The following C12orf42 variants were observed in gnomAD, a reference collection of about 807,000 sequenced individuals.
The protein encoded by C12orf42 is chromosome 12 open reading frame 42.
In C12orf42, 25 loss-of-function variants were observed where a neutral mutation model predicts 21.6. The ratio of observed to expected loss-of-function variants is 1.16; its 90% confidence interval spans 0.84 to 1.62. The LOEUF is 1.62. Ranked by LOEUF, C12orf42 falls within the 40% of genes most tolerant of loss-of-function variation. C12orf42 has a pLI of 0.00. For synonymous variants in C12orf42, 174 were observed against 175.0 expected (o/e 0.99, Z 0.05); for missense variants, 483 against 459.3 (o/e 1.05, Z -0.47).
At chr12:103,124,155 C>CTTTTTTTTTTT in the C12orf42 span, among the ~76,000 whole-genome samples, 3 of 75,988 alleles carry the variant, frequency 3.9e-5, 1 homozygote, top group African/African-American at 1.5e-4. Flanking sequence ...CAAACATAAG[C>CTTTTTTTTTTT]TTTTTTTTTT....
At chr12:103,480,999 T>C (rs1954429732) in intron 1 of C12orf42, among the ~76,000 whole-genome samples, 1 of 151,732 alleles carries the variant, frequency 6.6e-6, no homozygotes, top group South Asian at 2.1e-4. Flanking sequence ...CACTAATGTA[T>C]TGGGTCTTTC....
the C12orf42 span, among the ~76,000 whole-genome samples, chr12:103,553,362 T>C: frequency 1.3e-5 from 2 of 152,150 alleles, no homozygotes; most frequent in African/African-American, 4.8e-5. Context: ...CTCACTTAGT[T>C]ATCCGTCCTC....
At position 103,283,960 on chromosome 12, in the gene C12orf42, G is replaced by A. The variant is rs1195464620; in HGVS notation, n.338-6750C>T. 3.9e-5 allele frequency among the ~76,000 whole-genome samples: 6 copies of A among 152,138 alleles called. No individual in the cohort carries two copies. In the East Asian group the frequency reaches 5.8e-4, roughly 15 times the overall value. ...GTTCAAAGACCACTTTAATTATCAC[G>A]AGAGGAAAAAATAGCATGAAAGCAC... On this transcript the variant is annotated intron_variant and non_coding_transcript_variant, in intron 4 of 6. Coordinates refer to the C12orf42 transcript ENST00000546526.
intron 10 of C12orf42, among the ~76,000 whole-genome samples, chr12:103,257,522 A>G (rs1020353957): frequency 3.3e-5 from 5 of 152,154 alleles, no homozygotes; most frequent in Non-Finnish European, 4.4e-5. Context: ...AGCAATAAAA[A>G]TCAGAATTTT....
the C12orf42 span, among the ~76,000 whole-genome samples, chr12:103,050,229 T>C: frequency 2.0e-5 from 3 of 151,750 alleles, no homozygotes; most frequent in Middle Eastern, 3.4e-3. Flanking sequence ...GGTGTGTGTG[T>C]GTGTGTGTGT....
upstream of C12orf42, among the ~76,000 whole-genome samples, chr12:103,497,800 G>A (rs969051980): frequency 2.0e-5 from 3 of 152,152 alleles, no homozygotes; most frequent in Non-Finnish European, 4.4e-5. Flanking sequence ...GGGAGGCCGA[G>A]GCAGGCGGAT....
chr12:103,092,864 T>C, the C12orf42 span, among the ~76,000 whole-genome samples: 1 of 152,242 alleles, frequency 6.6e-6, no homozygotes, highest in Non-Finnish European at 1.5e-5. Context: ...TTTGCCGCTC[T>C]GTCCAGAAAC....
chr12:103,380,885 C>G (rs1365151161), intron 3 of C12orf42, among the ~76,000 whole-genome samples: 3 of 152,104 alleles, frequency 2.0e-5, no homozygotes, highest in Non-Finnish European at 4.4e-5. Context: ...AAATGAGTGA[C>G]AGAGTGGTTA....
chr12:103,332,963 C>T (rs1486664622), intron 4 of C12orf42, among the ~76,000 whole-genome samples: 1 of 151,986 alleles, frequency 6.6e-6, no homozygotes, highest in African/African-American at 2.4e-5. Flanking sequence ...ACACATAAGT[C>T]GAAGGCTTAG....
chr12:103,338,661 T>C (rs2041926396), intron 4 of C12orf42, among the ~76,000 whole-genome samples: 1 of 152,228 alleles, frequency 6.6e-6, no homozygotes, highest in African/African-American at 2.4e-5. Flanking sequence ...TCGCCCTTTT[T>C]TTTAGAGCAT....
At position 103,424,943 on chromosome 12, in the gene C12orf42, A is replaced by G. The variant is rs190114670; in HGVS notation, c.79-23268T>C. On this transcript the variant is annotated intron_variant, in intron 2 of 5. Coordinates refer to ENST00000548883, the MANE Select transcript of C12orf42 (RefSeq NM_198521.5). ...GCAAGCTAAGATCCACTGGTTTGAA[A>G]TTCTCACTGCCAGCACAGCAGTCTG... is the stretch of plus-strand genomic sequence containing the variant. Among the ~76,000 whole-genome samples the G allele has an allele frequency of 4.6e-5, 7 of 152,290 alleles. No individual in the cohort carries two copies. In the South Asian group the frequency reaches 1.0e-3, roughly 23 times the overall value.
upstream of C12orf42, among the ~76,000 whole-genome samples, chr12:103,500,715 T>C (rs1288653412): frequency 1.3e-5 from 2 of 152,306 alleles, no homozygotes; most frequent in African/African-American, 4.8e-5. Context: ...TTGCCGCCAA[T>C]AATATTGGAT....
chr12:103,551,172 T>C, the C12orf42 span, among the ~76,000 whole-genome samples: 9 of 152,168 alleles, frequency 5.9e-5, no homozygotes, highest in African/African-American at 2.2e-4. Flanking sequence ...CCACTTCTTT[T>C]TCTTTCTTGA....
chr12:103,196,648 G>T, the C12orf42 span, among the ~76,000 whole-genome samples: 3 of 152,018 alleles, frequency 2.0e-5, no homozygotes, highest in African/African-American at 7.2e-5. Context: ...TATTCTTGTT[G>T]AATCTGTCTT....
the C12orf42 span, among the ~76,000 whole-genome samples, chr12:103,553,666 T>G: frequency 3.9e-5 from 6 of 152,304 alleles, no homozygotes; most frequent in South Asian, 1.2e-3. Flanking sequence ...TTGGCAAATG[T>G]GCAGCCTCCC....
intron 2 of C12orf42, among the ~76,000 whole-genome samples, chr12:103,468,348 A>C (rs948322674): frequency 3.3e-5 from 5 of 152,220 alleles, no homozygotes; most frequent in African/African-American, 1.2e-4. Flanking sequence ...TCCAAATGTA[A>C]CCTGTGCATG....
the C12orf42 span, among the ~76,000 whole-genome samples, chr12:103,225,224 G>T: frequency 6.6e-6 from 1 of 152,158 alleles, no homozygotes; most frequent in African/African-American, 2.4e-5. Context: ...GTACTGGGTT[G>T]GGCACCACAG....
intron 10 of C12orf42, among the ~76,000 whole-genome samples, chr12:103,255,538 G>A (rs541385425): frequency 2.6e-5 from 4 of 152,042 alleles, no homozygotes; most frequent in African/African-American, 9.6e-5. Context: ...GAGTATACAA[G>A]TTCATTATTA....
chr12:103,369,110 T>C, intron 3 of C12orf42, 112 bp from the exon 4 acceptor site: 1 of 534,044 alleles, frequency 1.9e-6, no homozygotes, highest in Non-Finnish European at 3.4e-6. Flanking sequence ...TTTAAAAATA[T>C]TTTTGTTTCT....
Sources: allele counts gnomAD v4.1 joint callset (sites outside exome capture counted in the v4.1 genomes callset), GRCh38; gene constraint gnomAD v4.1.1; transcripts MANE v1.5; gene names NCBI Gene and HGNC (gene_info 2026-07-23, HGNC 2026-07-21).